CNKSR3: variants seen among roughly 807,000 people sequenced by gnomAD.
CNKSR3 encodes the protein CNKSR family member 3, also known as connector enhancer of kinase suppressor of ras 3.
Under a neutral mutation model 67.7 loss-of-function variants are expected in CNKSR3, and 36 were observed. The ratio of observed to expected loss-of-function variants is 0.53; its 90% CI spans 0.41 to 0.70. CNKSR3 has a LOEUF of 0.70. CNKSR3 is among the 30% of genes least tolerant of loss of function. CNKSR3 has a pLI of 0.00. For missense variants in CNKSR3, 630 were observed against 695.2 expected (o/e 0.91, Z 1.05); for synonymous variants, 281 against 271.4 (o/e 1.04, Z -0.35).
intron 12 of CNKSR3, among the ~76,000 whole-genome samples, chr6:154,407,872 GAAAAA>G (rs56406534): frequency 1.2e-4 from 8 of 68,660 alleles, no homozygotes; most frequent in African/African-American, 2.9e-4. Context: ...TTTAGAATTT[GAAAAA>G]AAAAAAAAAA....
rs562814162 is a variant in CNKSR3 at position 154,404,881 on chromosome 6, A to G, written c.*1473T>C. On this transcript the variant is annotated 3_prime_UTR_variant, in exon 13 of 13. Coordinates refer to ENST00000607772, the MANE Select transcript of CNKSR3 (RefSeq NM_173515.4). Reference sequence around the variant, plus strand: ...AACCAGCCTGACTGAATTCAGTCACAGTAATTATACATGAGTGGTTGCTAG... The same window carrying G: ...AACCAGCCTGACTGAATTCAGTCACGGTAATTATACATGAGTGGTTGCTAG... The G allele has an allele frequency of 1.3e-5, 2 of 152,418 alleles. No individual in the cohort carries two copies. Among genetic ancestry groups the G allele is most frequent in the African/African-American group, 4.8e-5 (2 of 41,596 alleles). 9.4% of individuals were successfully genotyped at this position (152,418 alleles called of 1,614,324 possible).
At position 154,399,177 on chromosome 6, in the gene CNKSR3, CT is replaced by C. The variant is rs1347738493; in HGVS notation, c.*7176del. On this transcript the variant is annotated 3_prime_UTR_variant, in exon 13 of 13. Coordinates refer to ENST00000607772, the MANE Select transcript of CNKSR3 (RefSeq NM_173515.4). ...CGAGTGAGTTTTCTAACAGTAAAAG[CT>C]GCATCTCTAGGCCACTGACCACACT... 6.6e-6 allele frequency: 1 copy of C among 152,050 alleles called. No homozygotes were observed. The highest frequency in any genetic ancestry group is 1.5e-5 in the Non-Finnish European group (1 of 68,022). 9.4% of individuals were successfully genotyped at this position (152,050 alleles called of 1,614,324 possible).
chr6:154,492,529 T>A (rs1786800659), intron 1 of CNKSR3, among the ~76,000 whole-genome samples: 1 of 152,110 alleles, frequency 6.6e-6, no homozygotes, highest in African/African-American at 2.4e-5. Flanking sequence ...GATCACTTGA[T>A]GAGGTCAGGA....
At chr6:154,456,237 A>G (rs1785951306) in intron 1 of CNKSR3, among the ~76,000 whole-genome samples, 1 of 151,882 alleles carries the variant, frequency 6.6e-6, no homozygotes, top group Admixed American at 6.6e-5. Flanking sequence ...GGTTCTTCCA[A>G]TGTTTTGCAT....
intron 7 of CNKSR3, among the ~76,000 whole-genome samples, chr6:154,426,783 A>G (rs1785265685): frequency 6.6e-6 from 1 of 152,240 alleles, no homozygotes. Context: ...TGGAAAACAC[A>G]CTGGTCTGGT....
intron 1 of CNKSR3, among the ~76,000 whole-genome samples, chr6:154,450,831 A>G (rs1288191648): frequency 6.6e-6 from 1 of 152,234 alleles, no homozygotes; most frequent in Non-Finnish European, 1.5e-5. Flanking sequence ...AAGTCAAAAG[A>G]TAAACCTTGG....
At chr6:154,452,324 C>G (rs1785854263) in intron 1 of CNKSR3, among the ~76,000 whole-genome samples, 1 of 152,206 alleles carries the variant, frequency 6.6e-6, no homozygotes, top group African/African-American at 2.4e-5. Context: ...TCTTCTCCAA[C>G]AACTTCTTAA....
At position 154,510,279 on chromosome 6, in the gene CNKSR3, C is replaced by A; in HGVS notation, c.-165G>T. ...CGGTCAGCCAGTCGTCCCAGCGCGGCTCCGCCAGGGGAGCCCGGCCCTCTC... is the reference window on the plus strand; with the variant it reads ...CGGTCAGCCAGTCGTCCCAGCGCGGATCCGCCAGGGGAGCCCGGCCCTCTC... On this transcript the variant is annotated 5_prime_UTR_variant, in exon 1 of 13. Transcript: ENST00000607772. 2.9e-6 allele frequency: 2 copies of A among 700,118 alleles called. No homozygotes were observed. The highest frequency in any genetic ancestry group is 4.8e-6 in the Non-Finnish European group (2 of 417,830). The allele number at this position is 700,118 out of a possible 1,614,324, so 43.4% of individuals were successfully genotyped here. A position where few individuals can be genotyped will look rare whatever the true frequency, so the allele number is the denominator to read the frequency against.
intron 1 of CNKSR3, among the ~76,000 whole-genome samples, chr6:154,485,349 T>A (rs1294587515): frequency 6.6e-6 from 1 of 152,206 alleles, no homozygotes; most frequent in Non-Finnish European, 1.5e-5. Context: ...GGGGCTTCTT[T>A]GGCGCATACA....
rs1302503302 is a variant in CNKSR3, at chr6:154,503,639, T to TA, written c.52+6423_52+6424insT. 1.4e-4 allele frequency among the ~76,000 whole-genome samples: 15 copies of TA among 109,002 alleles called. No homozygotes were observed. In the East Asian group the frequency reaches 3.3e-3, roughly 24 times the overall value. The allele number at this position is 109,002 out of a possible 152,430, so 71.5% of individuals were successfully genotyped here. ...AAGAGAGCAAGACCCTGCCTCTTATTTAAAAAAAAAAAAAAGGCTGTTATA... is the reference window on the plus strand; with the variant it reads ...AAGAGAGCAAGACCCTGCCTCTTATTATAAAAAAAAAAAAAAGGCTGTTATA... On this transcript the variant is annotated intron_variant, in intron 1 of 12. Coordinates refer to ENST00000607772, the MANE Select transcript of CNKSR3 (RefSeq NM_173515.4).
At chr6:154,492,517 C>T (rs767811408) in intron 1 of CNKSR3, among the ~76,000 whole-genome samples, 1 of 152,020 alleles carries the variant, frequency 6.6e-6, no homozygotes, top group Non-Finnish European at 1.5e-5. Context: ...CTGAGATGGG[C>T]GGATCACTTG....
rs1176837344 is a variant in CNKSR3, at chr6:154,398,677, G to A, written c.*7677C>T. On this transcript the variant is annotated 3_prime_UTR_variant, in exon 13 of 13. Coordinates refer to ENST00000607772, the MANE Select transcript of CNKSR3 (RefSeq NM_173515.4). ...AGGCAAAAATAATTCAGCCAACTAG[G>A]AGGTGGGCAAAATGCTCCGATTCCC... The A allele has an allele frequency of 6.6e-6, 1 of 152,230 alleles. No individual in the cohort carries two copies. The highest frequency in any genetic ancestry group is 1.5e-5 in the Non-Finnish European group (1 of 68,034). 9.4% of individuals were successfully genotyped at this position (152,230 alleles called of 1,614,324 possible).
At chr6:154,505,414 G>A (rs2114663990) in intron 1 of CNKSR3, among the ~76,000 whole-genome samples, 1 of 151,596 alleles carries the variant, frequency 6.6e-6, no homozygotes, top group Admixed American at 6.5e-5. Flanking sequence ...ACCAGAAGCT[G>A]GCCAGAGAGA....
At chr6:154,410,457 GA>G in intron 11 of CNKSR3, 25 bp from the exon 12 acceptor site, 2 of 1,558,130 alleles carry the variant, frequency 1.3e-6, no homozygotes, top group Non-Finnish European at 1.8e-6. Context: ...GAAAGAAGGT[GA>G]CAAGTTTGAT....
chr6:154,405,742 T>C lies in CNKSR3; in HGVS notation c.*612A>G, dbSNP rs1207989472. ...CTATCAAAATGTGTTCATGTATTTC[T>C]GTACCAACTGATCTATACTGAGACT... On this transcript the variant is annotated 3_prime_UTR_variant, in exon 13 of 13. Coordinates refer to ENST00000607772, the MANE Select transcript of CNKSR3 (RefSeq NM_173515.4). 8.5e-5 allele frequency: 13 copies of C among 152,432 alleles called. No homozygotes were observed. 9.4% of individuals were successfully genotyped at this position (152,432 alleles called of 1,614,324 possible). A position where few individuals can be genotyped will look rare whatever the true frequency, so the allele number is the denominator to read the frequency against.
intron 2 of CNKSR3, among the ~76,000 whole-genome samples, chr6:154,446,001 T>C (rs1389628173): frequency 6.6e-6 from 1 of 152,128 alleles, no homozygotes. Flanking sequence ...AATAAATAAT[T>C]TCTCAGACCA....
Position 154,396,314 on chromosome 6 carries a change from T to G in CNKSR3, c.*10040A>C, listed in dbSNP as rs1784660980. On this transcript the variant is annotated 3_prime_UTR_variant, in exon 13 of 13. Transcript: ENST00000607772. ...CCAAGGCTTATTCTTCCTACAAATA[T>G]GATTGAGTTCTGACACCTGGTATAA... The G allele has an allele frequency of 6.6e-6, 1 of 152,220 alleles. No individual in the cohort carries two copies. The highest frequency in any genetic ancestry group is 1.5e-5 in the Non-Finnish European group (1 of 68,042). 9.4% of individuals were successfully genotyped at this position (152,220 alleles called of 1,614,324 possible).
intron 1 of CNKSR3, among the ~76,000 whole-genome samples, chr6:154,500,523 G>A (rs554959317): frequency 2.0e-5 from 3 of 152,156 alleles, no homozygotes; most frequent in East Asian, 1.9e-4. Flanking sequence ...AGGCTTCCAG[G>A]TTATTTTATT....
At chr6:154,460,844 C>T (rs143025561) in intron 1 of CNKSR3, among the ~76,000 whole-genome samples, 3 of 152,300 alleles carry the variant, frequency 2.0e-5, no homozygotes, top group African/African-American at 7.2e-5. Flanking sequence ...GGGGGAGAAC[C>T]AACTCGGCAC....
Sources: gnomAD v4.1 joint callset for allele counts (sites outside exome capture counted in the v4.1 genomes callset) on GRCh38, gnomAD v4.1.1 for gene constraint, MANE v1.5 for transcripts, NCBI Gene and HGNC (gene_info 2026-07-23, HGNC 2026-07-21) for gene names.